The following PHKB variants were observed in gnomAD, a reference collection of about 807,000 sequenced individuals.
PHKB encodes the protein phosphorylase kinase regulatory subunit beta.
In PHKB, 122 loss-of-function variants were observed where a neutral mutation model predicts 152.1. The observed-to-expected ratio is 0.80, with a 90% confidence interval of 0.69 to 0.93. PHKB has a LOEUF of 0.93. Among genes scored for constraint, PHKB ranks in the 40% least tolerant of loss-of-function variants. PHKB has a pLI of 0.00. For missense variants in PHKB, 1,304 were observed against 1,328.4 expected, an observed-to-expected ratio of 0.98 and a Z score of 0.29; for synonymous variants, 436 against 464.9, an observed-to-expected ratio of 0.94 and a Z score of 0.80.
intron 13 of PHKB, among the ~76,000 whole-genome samples, chr16:47,602,397 G>A (rs981159909): frequency 2.0e-5 from 3 of 152,100 alleles, no homozygotes; most frequent in African/African-American, 7.2e-5. Flanking sequence ...GTAAGTGATT[G>A]TTTGGAAGCC....
chr16:47,567,535 T>G (rs1007799097), intron 7 of PHKB, among the ~76,000 whole-genome samples: 1 of 152,190 alleles, frequency 6.6e-6, no homozygotes, highest in African/African-American at 2.4e-5. Context: ...TATTTCTGTC[T>G]TTTGCCTGAT....
intron 7 of PHKB, among the ~76,000 whole-genome samples, chr16:47,550,471 T>C (rs1971252222): frequency 6.6e-6 from 1 of 152,214 alleles, no homozygotes; most frequent in African/African-American, 2.4e-5. Context: ...TACACTTCCC[T>C]TTGTAGTCTG....
chr16:47,642,569 ATTAAGT>A (rs1364109134), intron 16 of PHKB, among the ~76,000 whole-genome samples: 1 of 152,218 alleles, frequency 6.6e-6, no homozygotes, highest in Non-Finnish European at 1.5e-5. Context: ...AGTGGACATG[ATTAAGT>A]TTATTAGGTT....
At chr16:47,542,192 G>A (rs1971072379) in intron 6 of PHKB, among the ~76,000 whole-genome samples, 1 of 152,128 alleles carries the variant, frequency 6.6e-6, no homozygotes, top group Admixed American at 6.5e-5. Context: ...AAGGTATAAG[G>A]AAGGGATCTA....
chr16:47,593,562 G>A lies in PHKB; in HGVS notation c.1126+5G>A. 1 of 1,471,466 alleles carries A rather than the reference G, an allele frequency of 6.8e-7. No homozygotes were observed. The highest frequency in any genetic ancestry group is 9.5e-7 in the Non-Finnish European group (1 of 1,050,488). The allele number at this position is 1,471,466 out of a possible 1,614,324, so 91.2% of individuals were successfully genotyped here. On this transcript the variant is annotated splice_donor_5th_base_variant and intron_variant, in intron 11 of 30. Transcript: ENST00000323584. ...TCCTTTATATGATGATTGATGGTAA[G>A]TAAGCTTTTTCCTGAAATTTAAGCA... is the stretch of plus-strand genomic sequence containing the variant.
chr16:47,501,994 T>G (rs767314570), intron 3 of PHKB, among the ~76,000 whole-genome samples: 12 of 152,192 alleles, frequency 7.9e-5, no homozygotes, highest in Non-Finnish European at 7.4e-5. Context: ...AGGTATGATG[T>G]GCTAATGATG....
In PHKB at chr16:47,665,939, C is replaced by A; in HGVS notation, c.2427+964C>A. 1 of 1,610,758 alleles carries A rather than the reference C, an allele frequency of 6.2e-7. No individual in the cohort carries two copies. The highest frequency in any genetic ancestry group is 1.1e-5 in the South Asian group (1 of 91,020). On this transcript the variant is annotated intron_variant, in intron 25 of 30. Transcript: ENST00000323584. ...TCTGGCCTGCTCTCTTCTTTGCCCC[C>A]AGGTCGGTTGTACGCCGTGCAGCAA...
intron 13 of PHKB, among the ~76,000 whole-genome samples, chr16:47,605,784 A>C (rs1486816471): frequency 6.6e-6 from 1 of 152,208 alleles, no homozygotes; most frequent in African/African-American, 2.4e-5. Context: ...GAAAAATGTA[A>C]CATGTCTAAA....
chr16:47,669,807 T>G (rs1973607698), intron 26 of PHKB, among the ~76,000 whole-genome samples: 1 of 152,210 alleles, frequency 6.6e-6, no homozygotes, highest in South Asian at 2.1e-4. Context: ...AGATAAAAAT[T>G]TGGTCCTTTT....
intron 7 of PHKB, among the ~76,000 whole-genome samples, chr16:47,579,066 C>T (rs913882993): frequency 6.6e-6 from 1 of 152,012 alleles, no homozygotes; most frequent in Non-Finnish European, 1.5e-5. Context: ...TCCTGAAGTT[C>T]ATAGCTAGAC....
At position 47,567,751 on chromosome 16, in the gene PHKB, G is replaced by C. The variant is rs1364140795; in HGVS notation, c.711-12544G>C. ...TTGTTCAAGGTTTTTATCATGAAGG[G>C]ATGCTGGATTTTATCGAATGCTTTT... On this transcript the variant is annotated intron_variant, in intron 7 of 30. Transcript: ENST00000323584. Among the ~76,000 whole-genome samples, 3 of 152,168 alleles carry C rather than the reference G, an allele frequency of 2.0e-5. 1 individual carries two copies. The highest frequency in any genetic ancestry group is 2.9e-5 in the Non-Finnish European group (2 of 68,038).
At chr16:47,591,797 C>A (rs1019847397) in intron 10 of PHKB, among the ~76,000 whole-genome samples, 1 of 152,140 alleles carries the variant, frequency 6.6e-6, no homozygotes, top group Non-Finnish European at 1.5e-5. Context: ...CTCCTGTGCC[C>A]GAGCCCTATA....
chr16:47,641,636 C>CA lies in PHKB; in HGVS notation c.1555dup (p.Thr519AsnfsTer27). The CA allele has an allele frequency of 6.2e-7, 1 of 1,606,570 alleles. No individual in the cohort carries two copies. Among genetic ancestry groups the CA allele is most frequent in the Admixed American group, 1.7e-5 (1 of 60,022 alleles). ...TCTGAACACATATGGTATTCAAACT[C>CA]AAACTCCTCAACAAGTAGAACCCAT... On this transcript the variant is annotated frameshift_variant, in exon 16 of 31. Transcript: ENST00000323584. LOFTEE classifies it high-confidence loss of function.
chr16:47,565,124 A>G, intron 7 of PHKB: 1 of 518,574 alleles, frequency 1.9e-6, no homozygotes, highest in South Asian at 1.5e-5. Flanking sequence ...TTCACCATCA[A>G]CGGAGACAGC....
chr16:47,505,968 G>T (rs1567283655), intron 4 of PHKB, among the ~76,000 whole-genome samples: 1 of 149,774 alleles, frequency 6.7e-6, no homozygotes, highest in East Asian at 2.0e-4. Context: ...GGAGGGAGAG[G>T]TTGCAGTGAG....
At position 47,461,331 on chromosome 16, in the gene PHKB, A is replaced by G. The variant is rs748523564; in HGVS notation, c.-20A>G. 12 of 1,595,044 alleles carry G rather than the reference A, an allele frequency of 7.5e-6. No individual in the cohort carries two copies. The highest frequency in any genetic ancestry group is 1.3e-5 in the African/African-American group (1 of 74,728). Reference sequence around the variant, plus strand: ...ACAGGCGGCCCCGGGGGCGGTGGCCAAGGCGGCGACCGGAGCGCGATGGCG... The same window carrying G: ...ACAGGCGGCCCCGGGGGCGGTGGCCGAGGCGGCGACCGGAGCGCGATGGCG... On this transcript the variant is annotated 5_prime_UTR_variant, in exon 1 of 31. Coordinates refer to ENST00000323584, the MANE Select transcript of PHKB (RefSeq NM_000293.3).
At chr16:47,687,110 G>A (rs567803163) in intron 26 of PHKB, among the ~76,000 whole-genome samples, 53 of 152,226 alleles carry the variant, frequency 3.5e-4, no homozygotes, top group East Asian at 7.7e-4. Context: ...CAGGTCTTCC[G>A]ATGTTTAATT....
At chr16:47,596,706 T>G (rs1972126969) in intron 13 of PHKB, among the ~76,000 whole-genome samples, 175 bp downstream of exon 13, 1 of 152,194 alleles carries the variant, frequency 6.6e-6, no homozygotes, top group Admixed American at 6.5e-5. Context: ...CACTGAATGA[T>G]GATGGACAGT....
intron 6 of PHKB, among the ~76,000 whole-genome samples, chr16:47,539,716 C>T (rs951626339): frequency 3.9e-5 from 6 of 152,250 alleles, no homozygotes; most frequent in Non-Finnish European, 8.8e-5. Flanking sequence ...GGCAGAGGAA[C>T]ATAAATTGTG....
Sources: allele counts gnomAD v4.1 joint callset (sites outside exome capture counted in the v4.1 genomes callset), GRCh38; gene constraint gnomAD v4.1.1; transcripts MANE v1.5; gene names NCBI Gene and HGNC (gene_info 2026-07-23, HGNC 2026-07-21).